C8orf34: variants seen among roughly 807,000 people sequenced by gnomAD.
C8orf34 encodes the protein chromosome 8 open reading frame 34.
C8orf34 carries 65 observed loss-of-function variants against 68.3 expected under a neutral mutation model. The observed-to-expected ratio is 0.95, with a 90% CI of 0.78 to 1.17. C8orf34 has a LOEUF of 1.17. Among genes scored for constraint, C8orf34 ranks in the 50% most tolerant of loss-of-function variants. The pLI, the probability that C8orf34 is intolerant of heterozygous loss-of-function variation, is 0.00. For synonymous variants in C8orf34, 244 were observed against 241.2 expected (o/e 1.01, Z -0.11); for missense variants, 664 against 655.4 (o/e 1.01, Z -0.14).
At chr8:68,419,736 C>T (rs1172101019) in intron 1 of C8orf34, among the ~76,000 whole-genome samples, 1 of 148,948 alleles carries the variant, frequency 6.7e-6, no homozygotes, top group Non-Finnish European at 1.5e-5. Flanking sequence ...GAACAAAAAA[C>T]CAAACACCGC....
chr8:68,352,058 G>A (rs541505364), intron 1 of C8orf34, among the ~76,000 whole-genome samples: 16 of 151,698 alleles, frequency 1.1e-4, no homozygotes, highest in Non-Finnish European at 1.8e-4. Flanking sequence ...TTTTACTGTC[G>A]AGTTTTAAGG....
chr8:68,579,177 G>C (rs913423738), intron 7 of C8orf34, among the ~76,000 whole-genome samples: 3 of 151,944 alleles, frequency 2.0e-5, no homozygotes, highest in African/African-American at 7.2e-5. Flanking sequence ...CCCAGGTACA[G>C]AAACTGCTTT....
chr8:68,338,295 G>T (rs935392167), intron 1 of C8orf34, among the ~76,000 whole-genome samples: 2 of 152,144 alleles, frequency 1.3e-5, no homozygotes, highest in Non-Finnish European at 2.9e-5. Flanking sequence ...AACCCCTTCA[G>T]ATTGGCAACA....
At chr8:68,583,934 T>G (rs1181477575) in intron 7 of C8orf34, among the ~76,000 whole-genome samples, 1 of 152,148 alleles carries the variant, frequency 6.6e-6, no homozygotes, top group Non-Finnish European at 1.5e-5. Context: ...GTTATGAATC[T>G]TAAAGCATGT....
intron 5 of C8orf34, among the ~76,000 whole-genome samples, chr8:68,513,526 A>G (rs986094077): frequency 3.3e-5 from 5 of 152,250 alleles, no homozygotes; most frequent in African/African-American, 9.6e-5. Flanking sequence ...GAATATAAAC[A>G]GTGATACTTG....
At chr8:68,351,643 G>T (rs1806517671) in intron 1 of C8orf34, among the ~76,000 whole-genome samples, 1 of 152,014 alleles carries the variant, frequency 6.6e-6, no homozygotes, top group Admixed American at 6.6e-5. Flanking sequence ...CTTCTCAAAG[G>T]TTTTGTTCAC....
At chr8:68,376,019 T>G (rs552272989) in intron 1 of C8orf34, among the ~76,000 whole-genome samples, 6 of 152,202 alleles carry the variant, frequency 3.9e-5, no homozygotes, top group African/African-American at 1.2e-4. Context: ...ATGACTGGGT[T>G]AGGTACTGAG....
At chr8:68,769,649 C>G (rs749214033) in intron 10 of C8orf34, among the ~76,000 whole-genome samples, 1 of 152,080 alleles carries the variant, frequency 6.6e-6, no homozygotes, top group Admixed American at 6.6e-5. Context: ...TGACTTAGCT[C>G]TTTTTTCCTA....
chr8:68,499,675 C>A (rs1257631985), intron 5 of C8orf34, among the ~76,000 whole-genome samples: 1 of 152,168 alleles, frequency 6.6e-6, no homozygotes, highest in Non-Finnish European at 1.5e-5. Context: ...CCAGAAGATA[C>A]TTGTTAATTA....
At chr8:68,757,920 G>A (rs1464836974) in intron 10 of C8orf34, among the ~76,000 whole-genome samples, 1 of 152,186 alleles carries the variant, frequency 6.6e-6, no homozygotes, top group African/African-American at 2.4e-5. Flanking sequence ...ATGGTTCTAG[G>A]AAGGATTAAT....
intron 8 of C8orf34, among the ~76,000 whole-genome samples, chr8:68,707,361 T>G (rs1364221541): frequency 6.6e-6 from 1 of 152,158 alleles, no homozygotes; most frequent in Non-Finnish European, 1.5e-5. Context: ...TAGCCATTGG[T>G]CTCTTCAACT....
chr8:68,522,458 A>G (rs1814797707), intron 6 of C8orf34, among the ~76,000 whole-genome samples: 2 of 152,210 alleles, frequency 1.3e-5, no homozygotes, highest in South Asian at 2.1e-4. Flanking sequence ...GTTGATAACT[A>G]TGATTGAATA....
intron 7 of C8orf34, among the ~76,000 whole-genome samples, chr8:68,579,393 A>G (rs552452647): frequency 3.3e-5 from 5 of 152,260 alleles, no homozygotes; most frequent in Non-Finnish European, 7.4e-5. Flanking sequence ...TGTGATATAA[A>G]GAAACATTAA....
At chr8:68,555,328 G>T (rs1472559305) in intron 7 of C8orf34, among the ~76,000 whole-genome samples, 5 of 152,124 alleles carry the variant, frequency 3.3e-5, no homozygotes, top group Non-Finnish European at 7.4e-5. Context: ...GTAAATATAT[G>T]TAGAATAGTG....
intron 5 of C8orf34, among the ~76,000 whole-genome samples, chr8:68,502,531 TA>T (rs753955624): frequency 2.0e-5 from 3 of 152,102 alleles, no homozygotes; most frequent in East Asian, 1.9e-4. Flanking sequence ...CACATGTTCA[TA>T]AAAAAAGCCA....
At chr8:68,776,541 G>T in intron 11 of C8orf34, 92 bp downstream of exon 11, 1 of 981,898 alleles carries the variant, frequency 1.0e-6, no homozygotes, top group South Asian at 1.4e-5. Context: ...CTACTTGTAG[G>T]GTTTCTAGTC....
intron 9 of C8orf34, among the ~76,000 whole-genome samples, chr8:68,712,624 A>G (rs941513618): frequency 1.4e-4 from 21 of 152,182 alleles, no homozygotes; most frequent in South Asian, 2.1e-4. Flanking sequence ...TAAAAGGATT[A>G]GTTCAATAGG....
In C8orf34 at chr8:68,811,251, C is replaced by T. The variant is rs28590004; in HGVS notation, c.1550-4635C>T. On this transcript the variant is annotated intron_variant, in intron 12 of 13. Transcript: ENST00000518698. Reference sequence around the variant, plus strand: ...CACACCCAGCTGGGTTGTGACAGTGCCTGAACTGAGCCACAACTTTGCTCC... The same window carrying T: ...CACACCCAGCTGGGTTGTGACAGTGTCTGAACTGAGCCACAACTTTGCTCC... Among the ~76,000 whole-genome samples the T allele has an allele frequency of 9.7e-3, 1,473 of 152,324 alleles. 17 individuals are homozygous for T. Among genetic ancestry groups the T allele is most frequent in the African/African-American group, 0.034 (1,401 of 41,568 alleles).
At chr8:68,622,379 C>T (rs982653062) in intron 7 of C8orf34, among the ~76,000 whole-genome samples, 2 of 152,060 alleles carry the variant, frequency 1.3e-5, no homozygotes, top group Non-Finnish European at 2.9e-5. Flanking sequence ...GTCATCCTGA[C>T]ACAAGTGTGT....
Sources: gnomAD v4.1 joint callset for allele counts (sites outside exome capture counted in the v4.1 genomes callset) on GRCh38, gnomAD v4.1.1 for gene constraint, MANE v1.5 for transcripts, NCBI Gene and HGNC (gene_info 2026-07-23, HGNC 2026-07-21) for gene names.